CADPS: variants seen among roughly 807,000 people sequenced by gnomAD.
The protein encoded by CADPS is calcium-dependent secretion activator 1.
CADPS carries 57 observed loss-of-function variants against 167.3 expected under a neutral mutation model. That is an observed-to-expected ratio of 0.34 (90% CI 0.28 to 0.42). CADPS has a LOEUF of 0.42. Among genes scored for constraint, CADPS ranks in the 20% least tolerant of loss-of-function variants. CADPS has a pLI of 1.00. For missense variants in CADPS, 1,414 were observed against 1,738.1 expected, an observed-to-expected ratio of 0.81 and a Z score of 3.32; for synonymous variants, 676 against 635.3, an observed-to-expected ratio of 1.06 and a Z score of -0.96.
intron 1 of CADPS, among the ~76,000 whole-genome samples, chr3:62,836,970 T>G (rs1033601314): frequency 1.3e-5 from 2 of 152,200 alleles, no homozygotes; most frequent in African/African-American, 2.4e-5. Flanking sequence ...CCTTGCTTGC[T>G]CAGCCTGAAT....
At position 62,655,112 on chromosome 3, in the gene CADPS, ACAT is replaced by A. The variant is rs1361391984; in HGVS notation, c.970-4035_970-4033del. Among the ~76,000 whole-genome samples the A allele has an allele frequency of 9.2e-5, 14 of 152,288 alleles. No individual in the cohort carries two copies. In the Middle Eastern group the frequency reaches 0.01, roughly 111 times the overall value. ...CCCAGAACTTGGACAGTTCCTAATG[ACAT>A]CATAAAAAGAGGCTCATAAAAACTG... is the stretch of plus-strand genomic sequence containing the variant. On this transcript the variant is annotated intron_variant, in intron 4 of 29. Transcript: ENST00000383710.
intron 3 of CADPS, among the ~76,000 whole-genome samples, chr3:62,730,643 C>A (rs1427183719): frequency 6.6e-6 from 1 of 152,156 alleles, no homozygotes; most frequent in Admixed American, 6.5e-5. Flanking sequence ...CAAAGGGTAC[C>A]TTCAGGGTTG....
Position 62,592,627 on chromosome 3 carries a change from A to G in CADPS, c.1437+10T>C. 1 of 1,605,256 alleles carries G rather than the reference A, an allele frequency of 6.2e-7. No homozygotes were observed. The highest frequency in any genetic ancestry group is 8.5e-7 in the Non-Finnish European group (1 of 1,172,132). On this transcript the variant is annotated intron_variant, in intron 7 of 29. Transcript: ENST00000383710. ...TCTGTGGAGTTCCCCTTGTGATAAG[A>G]AGTGCTTACCCGCCCAAGCTCCTTG...
chr3:62,410,581 G>A lies in CADPS; in HGVS notation c.3778-7396C>T, dbSNP rs79099421. Among the ~76,000 whole-genome samples, 569 of 152,298 alleles carry A rather than the reference G, an allele frequency of 3.7e-3. 2 individuals are homozygous for A. Among genetic ancestry groups the A allele is most frequent in the Non-Finnish European group, 4.9e-3 (336 of 68,020 alleles). On this transcript the variant is annotated intron_variant, in intron 28 of 29. Transcript: ENST00000383710. ...CTCAGACCACTTGTGTTTGGATCCT[G>A]ACAAATTCCTAACACCGCTGTGCCT...
chr3:62,616,625 T>C (rs1477357209), intron 6 of CADPS, among the ~76,000 whole-genome samples: 1 of 152,124 alleles, frequency 6.6e-6, no homozygotes, highest in Admixed American at 6.6e-5. Flanking sequence ...CAACCCCACA[T>C]TTTTGTATAT....
chr3:62,474,449 CAT>C, intron 23 of CADPS, 129 bp from the exon 24 acceptor site: 1 of 787,868 alleles, frequency 1.3e-6, no homozygotes, highest in Admixed American at 2.2e-5. Context: ...AATGACTTCA[CAT>C]GTGTTCCCTT....
intron 6 of CADPS, among the ~76,000 whole-genome samples, chr3:62,597,924 C>T (rs767340878): frequency 2.2e-4 from 33 of 152,108 alleles, no homozygotes; most frequent in Non-Finnish European, 4.3e-4. Context: ...TCAGGACTGG[C>T]TGTGCAATTT....
chr3:62,477,151 T>G (rs1039826261), intron 23 of CADPS, among the ~76,000 whole-genome samples: 3 of 152,144 alleles, frequency 2.0e-5, no homozygotes, highest in Non-Finnish European at 4.4e-5. Flanking sequence ...TTCTTTGCTT[T>G]CCAGTTCTGA....
intron 28 of CADPS, among the ~76,000 whole-genome samples, chr3:62,418,643 T>C (rs867356741): frequency 5.3e-5 from 8 of 151,860 alleles, no homozygotes; most frequent in African/African-American, 9.7e-5. Context: ...GCCCGGCTGA[T>C]AAATAATGTT....
rs2083289237 is a variant in CADPS at position 62,874,498 on chromosome 3, C to T, written c.441+91G>A. ...CGCGGTCTCCACCTCTCCTGCTCCT[C>T]CTCGCCAGCTGCGCCGCCAGCTCCC... On this transcript the variant is annotated intron_variant, in intron 1 of 29. Transcript: ENST00000383710. The surrounding 1 kb of genome is among the most constrained non-coding windows in gnomAD (Gnocchi z 7.1). 2.0e-6 allele frequency: 2 copies of T among 1,023,796 alleles called. No individual in the cohort carries two copies. Among genetic ancestry groups the T allele is most frequent in the East Asian group, 2.7e-5 (1 of 37,294 alleles). The allele number at this position is 1,023,796 out of a possible 1,614,324, so 63.4% of individuals were successfully genotyped here.
At chr3:62,741,995 A>C (rs1346428139) in intron 3 of CADPS, among the ~76,000 whole-genome samples, 1 of 152,184 alleles carries the variant, frequency 6.6e-6, no homozygotes, top group Non-Finnish European at 1.5e-5. Flanking sequence ...TGAAGGTGAC[A>C]GCCAAATCAG....
At chr3:62,705,211 A>G (rs971605236) in intron 3 of CADPS, among the ~76,000 whole-genome samples, 4 of 152,052 alleles carry the variant, frequency 2.6e-5, no homozygotes, top group Admixed American at 1.3e-4. Context: ...AAGAAACCAA[A>G]CAGTGTCTGG....
At chr3:62,578,624 A>T (rs1014168927) in intron 8 of CADPS, among the ~76,000 whole-genome samples, 2 of 107,288 alleles carry the variant, frequency 1.9e-5, no homozygotes, top group African/African-American at 5.1e-5. Context: ...AAATAAAAAA[A>T]AAAAAAAGAC....
chr3:62,583,101 A>G (rs2083778087), intron 8 of CADPS, among the ~76,000 whole-genome samples: 1 of 151,850 alleles, frequency 6.6e-6, no homozygotes, highest in South Asian at 2.1e-4. Context: ...GGACAGATAC[A>G]TTCATTCATA....
At chr3:62,793,795 G>A (rs188710175) in intron 1 of CADPS, among the ~76,000 whole-genome samples, 27 of 152,312 alleles carry the variant, frequency 1.8e-4, no homozygotes, top group Admixed American at 3.3e-4. Flanking sequence ...ACATGTGTGC[G>A]TGCATGCATA....
At chr3:62,527,158 G>A (rs1351082874) in intron 13 of CADPS, among the ~76,000 whole-genome samples, 1 of 152,162 alleles carries the variant, frequency 6.6e-6, no homozygotes, top group Non-Finnish European at 1.5e-5. Flanking sequence ...CTGAAAATCA[G>A]TGGTGGTACC....
At chr3:62,807,263 C>CAT (rs1178194816) in intron 1 of CADPS, among the ~76,000 whole-genome samples, 1 of 141,154 alleles carries the variant, frequency 7.1e-6, no homozygotes, top group African/African-American at 2.6e-5. Flanking sequence ...ATCAAATTTC[C>CAT]TTTTTTTTTT....
chr3:62,453,750 C>A (rs1482434123), intron 26 of CADPS, among the ~76,000 whole-genome samples: 1 of 152,168 alleles, frequency 6.6e-6, no homozygotes, highest in African/African-American at 2.4e-5. Flanking sequence ...AAAAACACAA[C>A]CCTTAAAGTA....
At chr3:62,424,895 C>A (rs1209783832) in intron 28 of CADPS, among the ~76,000 whole-genome samples, 1 of 152,210 alleles carries the variant, frequency 6.6e-6, no homozygotes, top group Non-Finnish European at 1.5e-5. Context: ...GCTAGGAAGT[C>A]ATCAATACCT....
Sources: allele counts gnomAD v4.1 joint callset (sites outside exome capture counted in the v4.1 genomes callset), GRCh38; gene constraint gnomAD v4.1.1; non-coding constraint Gnocchi (gnomAD v3.1); transcripts MANE v1.5; gene names NCBI Gene and HGNC (gene_info 2026-07-23, HGNC 2026-07-21).